Variants in ACIN1 observed in about 807,000 individuals in gnomAD.
The protein encoded by ACIN1 is apoptotic chromatin condensation inducer 1.
ACIN1 carries 16 observed loss-of-function variants against 146.6 expected under a neutral mutation model. The ratio of observed to expected loss-of-function variants is 0.11; its 90% CI spans 0.07 to 0.17. The LOEUF (loss-of-function observed/expected upper bound fraction) is 0.17, where lower values mean the gene tolerates loss of function less well. Among genes scored for constraint, ACIN1 ranks in the 10% least tolerant of loss-of-function variants. The pLI, the probability that ACIN1 is intolerant of heterozygous loss-of-function variation, is 1.00. For missense variants in ACIN1, 1,357 were observed against 1,609.3 expected (o/e 0.84, Z 2.68); for synonymous variants, 569 against 582.7 (o/e 0.98, Z 0.34).
chr14:23,084,744 G>C (rs1398033911), intron 4 of ACIN1, among the ~76,000 whole-genome samples: 1 of 151,984 alleles, frequency 6.6e-6, no homozygotes, highest in Non-Finnish European at 1.5e-5. Context: ...TTCGTATCTG[G>C]GTAAGTGAAG....
rs527657906 is a variant in ACIN1, at chr14:23,092,387, T to TA, written c.204+1091dup. ...GTTTGCTGCACAAACCCGGTGTTAA[T>TA]AAAAGCAAAGCTTCAAAGACTAACA... is the stretch of plus-strand genomic sequence containing the variant. On this transcript the variant is annotated intron_variant, in intron 2 of 18. Coordinates refer to ENST00000605057, the MANE Select transcript of ACIN1 (RefSeq NM_001386863.1). 1.6e-3 allele frequency among the ~76,000 whole-genome samples: 244 copies of TA among 152,288 alleles called. 1 individual carries two copies. Among genetic ancestry groups the TA allele is most frequent in the African/African-American group, 5.5e-3 (229 of 41,572 alleles).
chr14:23,091,419 C>T (rs979085972), intron 2 of ACIN1, among the ~76,000 whole-genome samples: 1 of 151,840 alleles, frequency 6.6e-6, no homozygotes, highest in Admixed American at 6.6e-5. Context: ...AGCAACATGG[C>T]AAAACCCGTC....
At chr14:23,071,323 T>C (rs1001250862) in intron 8 of ACIN1, 19 of 1,509,790 alleles carry the variant, frequency 1.3e-5, no homozygotes, top group African/African-American at 2.8e-5. Flanking sequence ...AATTGAGATG[T>C]AGCAACCGGG....
rs569447487 is a variant in ACIN1 at position 23,072,016 on chromosome 14, T to C, written c.2124-2399A>G. Among the ~76,000 whole-genome samples the C allele has an allele frequency of 2.0e-5, 3 of 152,246 alleles. No homozygotes were observed. The South Asian group carries it at 6.2e-4, about 32-fold the overall frequency. On this transcript the variant is annotated intron_variant, in intron 8 of 18. Coordinates refer to ENST00000605057, the MANE Select transcript of ACIN1 (RefSeq NM_001386863.1). The stretch of plus-strand genomic sequence containing the variant: ...TATGTGCCTACCATCCTCTATCCAG[T>C]AATCTAGGCATGGAACACTGAAACC...
chr14:23,094,365 C>T (rs2048311209), intron 1 of ACIN1: 1 of 546,908 alleles, frequency 1.8e-6, no homozygotes, highest in African/African-American at 2.1e-5. Context: ...CAATATATAT[C>T]AACCTGCCTC....
Position 23,068,953 on chromosome 14 carries a change from AAC to A in ACIN1, c.2265+521_2265+522del. 1 of 985,578 alleles carries A rather than the reference AAC, an allele frequency of 1.0e-6. No homozygotes were observed. Among genetic ancestry groups the A allele is most frequent in the Non-Finnish European group, 1.2e-6 (1 of 830,050 alleles). 61.1% of individuals were successfully genotyped at this position (985,578 alleles called of 1,614,324 possible). A position where few individuals can be genotyped will look rare whatever the true frequency, so the allele number is the denominator to read the frequency against. ...AAAAGGAGGTAGAGGGGTCACAGGT[AAC>A]TGAGAATGGGCCTTCCGGATCACAA... On this transcript the variant is annotated intron_variant, in intron 9 of 18. Coordinates refer to ENST00000605057, the MANE Select transcript of ACIN1 (RefSeq NM_001386863.1). This position sits in a 1 kb window ranked among gnomAD's most constrained non-coding sequence, Gnocchi z 4.3.
In ACIN1 at chr14:23,061,157, T is replaced by C; in HGVS notation, c.3452A>G (p.Lys1151Arg). ...KEKAQEEPPA[K>R]LLDDLFRKTK... ...CTTTCGGAAAAGGTCATCCAGCAGC[T>C]TGGCAGGTGGTTCCTCCTGGGCTTT... is the stretch of plus-strand genomic sequence containing the variant. Residue 1151 changes from lysine (K) to arginine (R), a missense_variant, in exon 18 of 19, where the codon AAG (lysine) becomes AGG (arginine). Coordinates refer to ENST00000605057, the MANE Select transcript of ACIN1 (RefSeq NM_001386863.1). 1 of 1,614,120 alleles carries C rather than the reference T, an allele frequency of 6.2e-7. No homozygotes were observed.
intron 10 of ACIN1, 148 bp from the exon 11 acceptor site, chr14:23,064,636 C>G (rs984952646): frequency 3.5e-6 from 4 of 1,151,126 alleles, no homozygotes; most frequent in Non-Finnish European, 4.9e-6. Flanking sequence ...TGGTGGCTCA[C>G]ACCTGTAATC....
chr14:23,059,150 A>C lies in ACIN1; in HGVS notation c.3850T>G (p.Ter1284GluextTer5). ...CTGCAGCTCTAGTGTTTTCCCAGCT[A>C]GCGGCGCCCACCCCGGTCCCGCACA... The part of the protein sequence containing the change: ...TPVRDRGGRR[*>E] Residue 1284 changes from the stop codon to glutamate, a stop_lost, in exon 19 of 19, where the codon TAG becomes GAG. Coordinates refer to ENST00000605057, the MANE Select transcript of ACIN1 (RefSeq NM_001386863.1). 6.2e-7 allele frequency: 1 copy of C among 1,612,820 alleles called. No individual in the cohort carries two copies. The highest frequency in any genetic ancestry group is 8.5e-7 in the Non-Finnish European group (1 of 1,179,328).
Position 23,068,112 on chromosome 14 carries a change from G to A in ACIN1, c.2265+1364C>T. The A allele has an allele frequency of 6.1e-6, 6 of 985,808 alleles. No individual in the cohort carries two copies. Among genetic ancestry groups the A allele is most frequent in the Non-Finnish European group, 7.2e-6 (6 of 829,948 alleles). The allele number at this position is 985,808 out of a possible 1,614,324, so 61.1% of individuals were successfully genotyped here. ...TCTGATGAGCAAGTGGTGACACATG[G>A]GCTGGGCTGTCATCAGCATTAAATC... is the stretch of plus-strand genomic sequence containing the variant. On this transcript the variant is annotated intron_variant, in intron 9 of 18. Transcript: ENST00000605057. The surrounding 1 kb of genome is among the most constrained non-coding windows in gnomAD (Gnocchi z 4.3).
chr14:23,084,630 A>C (rs1310422872), intron 4 of ACIN1, among the ~76,000 whole-genome samples: 1 of 151,986 alleles, frequency 6.6e-6, no homozygotes, highest in African/African-American at 2.4e-5. Context: ...AAAAAAAAAA[A>C]AAACCCAAAA....
At chr14:23,069,652 G>GC in intron 8 of ACIN1, 35 bp from the exon 9 acceptor site, 69 of 577,904 alleles carry the variant, frequency 1.2e-4, no homozygotes, top group Non-Finnish European at 2.1e-4. Context: ...GGGGGGGCGG[G>GC]CAGAAAAGAA....
chr14:23,084,633 A>G (rs925614160), intron 4 of ACIN1, among the ~76,000 whole-genome samples: 7 of 151,240 alleles, frequency 4.6e-5, no homozygotes, highest in African/African-American at 1.7e-4. Context: ...AAAAAAAAAA[A>G]CCCAAAATGA....
At position 23,090,025 on chromosome 14, in the gene ACIN1, G is replaced by A. The variant is rs762687540; in HGVS notation, c.393C>T (p.Ser131=). 6.8e-6 allele frequency: 11 copies of A among 1,613,360 alleles called. No individual in the cohort carries two copies. The African/African-American group carries it at 1.2e-4, about 18-fold the overall frequency. The stretch of plus-strand genomic sequence containing the variant: ...GCTCCAGCTCTGGTCTCTCCAGGCT[G>A]CTCTGAAAGTCAGGAGGCAGCAGGG... The part of the protein sequence containing the change: ...VASLLPPDFQ[S]SLERPELELS... The change falls in exon 4 of 19, where the codon AGC becomes AGT. Residue 131 remains serine (S), a synonymous_variant. Transcript: ENST00000605057.
chr14:23,077,854 T>C (rs895788506), intron 8 of ACIN1: 6 of 189,232 alleles, frequency 3.2e-5, no homozygotes, highest in African/African-American at 1.4e-4. Context: ...TCAATTCCCT[T>C]ACATGGTTTT....
chr14:23,072,275 T>C (rs546288999), intron 8 of ACIN1, among the ~76,000 whole-genome samples: 39 of 152,268 alleles, frequency 2.6e-4, no homozygotes, highest in East Asian at 1.7e-3. Context: ...CTTTGTTTTA[T>C]AGAGTCTTTA....
intron 4 of ACIN1, among the ~76,000 whole-genome samples, chr14:23,083,915 A>G (rs2048017245): frequency 6.6e-6 from 1 of 152,054 alleles, no homozygotes; most frequent in Non-Finnish European, 1.5e-5. Flanking sequence ...AATAAAGCAG[A>G]TGGTATGCAG....
rs1051075323 is a variant in ACIN1 at position 23,067,862 on chromosome 14, G to T, written c.2265+1614C>A. ...GATCATGGAGCCTCTGATGAAGGTA[G>T]CCTGGGGGTAGGTGAATACCCCAGG... On this transcript the variant is annotated intron_variant, in intron 9 of 18. Coordinates refer to ENST00000605057, the MANE Select transcript of ACIN1 (RefSeq NM_001386863.1). This position sits in a 1 kb window ranked among gnomAD's most constrained non-coding sequence, Gnocchi z 4.6. The T allele has an allele frequency of 8.1e-6, 8 of 985,760 alleles. No individual in the cohort carries two copies. The highest frequency in any genetic ancestry group is 9.6e-6 in the Non-Finnish European group (8 of 829,978). The allele number at this position is 985,760 out of a possible 1,614,324, so 61.1% of individuals were successfully genotyped here.
In ACIN1 at chr14:23,079,677, T is replaced by C. The variant is rs538551650; in HGVS notation, c.1658A>G (p.Gln553Arg). ...SRSHSPLRSK[Q>R]RDVAQARTHA... ...AGTACGTGCCTGGGCTACATCTCTC[T>C]GCTTGGATCTGAGCGGTGAATGAGA... Residue 553 changes from glutamine (Q) to arginine (R), a missense_variant, in exon 6 of 19, where the codon CAG (glutamine) becomes CGG (arginine). By Grantham distance (43) the Gln-to-Arg change is conservative. Coordinates refer to ENST00000605057, the MANE Select transcript of ACIN1 (RefSeq NM_001386863.1). The C allele has an allele frequency of 4.3e-6, 7 of 1,614,084 alleles. No individual in the cohort carries two copies. Among genetic ancestry groups the C allele is most frequent in the Non-Finnish European group, 5.9e-6 (7 of 1,180,036 alleles).
Sources: gnomAD v4.1 joint callset for allele counts (sites outside exome capture counted in the v4.1 genomes callset) on GRCh38, gnomAD v4.1.1 for gene constraint, Gnocchi (gnomAD v3.1) non-coding constraint, MANE v1.5 for transcripts, NCBI Gene and HGNC (gene_info 2026-07-23, HGNC 2026-07-21) for gene names.